The following PCSK5 variants were observed in gnomAD, a reference collection of about 807,000 sequenced individuals.
The protein encoded by PCSK5 is prohormone convertase 5.
A neutral mutation model predicts 233.2 loss-of-function variants in PCSK5; 129 were observed. The ratio of observed to expected loss-of-function variants is 0.55; its 90% CI spans 0.48 to 0.64. The LOEUF is 0.64. Among genes scored for constraint, PCSK5 ranks in the 30% least tolerant of loss-of-function variants. PCSK5 has a pLI of 0.00. For missense variants in PCSK5, 2,076 were observed against 2,430.1 expected (o/e 0.85, Z 3.06); for synonymous variants, 825 against 879.2 (o/e 0.94, Z 1.09).
At chr9:76,057,900 G>A (rs989001850) in intron 5 of PCSK5, among the ~76,000 whole-genome samples, 16 of 129,362 alleles carry the variant, frequency 1.2e-4, no homozygotes, top group Admixed American at 7.6e-4. Context: ...GCAGTAGCAC[G>A]AACACAGCTC....
chr9:76,144,510 A>T (rs1823363349), intron 10 of PCSK5, among the ~76,000 whole-genome samples: 2 of 152,190 alleles, frequency 1.3e-5, no homozygotes, highest in South Asian at 4.1e-4. Flanking sequence ...AAGGGAGCCA[A>T]ACTAAAGGGT....
intron 2 of PCSK5, among the ~76,000 whole-genome samples, chr9:75,933,633 T>C (rs914133557): frequency 6.6e-5 from 10 of 152,240 alleles, no homozygotes; most frequent in Admixed American, 2.0e-4. Context: ...ATGTTCATGA[T>C]TATGAAATTG....
At chr9:76,031,157 C>T (rs1003622034) in intron 5 of PCSK5, among the ~76,000 whole-genome samples, 7 of 152,020 alleles carry the variant, frequency 4.6e-5, no homozygotes, top group African/African-American at 1.2e-4. Context: ...ATTAAAATGC[C>T]CTCTTTGCTC....
At chr9:76,341,444 C>T (rs1486070494) in intron 35 of PCSK5, among the ~76,000 whole-genome samples, 3 of 151,926 alleles carry the variant, frequency 2.0e-5, no homozygotes, top group African/African-American at 7.3e-5. Context: ...TCATGTTTGT[C>T]ATCCTTTTTT....
At chr9:75,930,313 A>G (rs1231762015) in intron 1 of PCSK5, among the ~76,000 whole-genome samples, 2 of 152,118 alleles carry the variant, frequency 1.3e-5, no homozygotes, top group Non-Finnish European at 2.9e-5. Context: ...GCAGCCAAAC[A>G]ATATCAGCCA....
intron 9 of PCSK5, among the ~76,000 whole-genome samples, chr9:76,108,480 C>A (rs975182085): frequency 6.6e-6 from 1 of 152,134 alleles, no homozygotes; most frequent in African/African-American, 2.4e-5. Flanking sequence ...TGTGGCCGGG[C>A]GCGGTGGCTT....
intron 3 of PCSK5, among the ~76,000 whole-genome samples, chr9:76,006,927 G>A (rs1314327681): frequency 4.6e-5 from 7 of 152,104 alleles, no homozygotes; most frequent in Admixed American, 4.6e-4. Flanking sequence ...GAAGTGTAAT[G>A]TTAAAGATTA....
chr9:76,178,993 TTA>T (rs139055652), intron 14 of PCSK5, among the ~76,000 whole-genome samples: 71 of 152,266 alleles, frequency 4.7e-4, no homozygotes, highest in Non-Finnish European at 8.5e-4. Flanking sequence ...TTTTTTAAAT[TTA>T]TATGTCATTT....
chr9:75,932,341 CT>C (rs757546069), intron 1 of PCSK5, 37 bp from the exon 2 acceptor site: 150 of 1,268,614 alleles, frequency 1.2e-4, no homozygotes, highest in Admixed American at 1.7e-4. Flanking sequence ...ACATTAATGT[CT>C]TTTTTTTGTT....
intron 32 of PCSK5, among the ~76,000 whole-genome samples, chr9:76,325,292 A>G (rs1310530869): frequency 6.6e-6 from 1 of 152,180 alleles, no homozygotes; most frequent in Non-Finnish European, 1.5e-5. Context: ...GTGTTGAATA[A>G]TGAAAGTAAT....
chr9:76,341,355 C>T (rs1829830027), intron 35 of PCSK5, among the ~76,000 whole-genome samples: 1 of 152,172 alleles, frequency 6.6e-6, no homozygotes, highest in Non-Finnish European at 1.5e-5. Flanking sequence ...GCATCTTAAA[C>T]ATACCAATTT....
chr9:76,158,438 G>T (rs190496607), intron 11 of PCSK5, among the ~76,000 whole-genome samples: 38 of 152,294 alleles, frequency 2.5e-4, no homozygotes, highest in Admixed American at 2.5e-3. Flanking sequence ...GCAGCCTAGT[G>T]TTCAAGGGGA....
chr9:75,920,868 C>T (rs1486396064), intron 1 of PCSK5, among the ~76,000 whole-genome samples: 1 of 151,856 alleles, frequency 6.6e-6, no homozygotes, highest in East Asian at 1.9e-4. Flanking sequence ...TCAAAATAGC[C>T]TCTGTTTACC....
chr9:76,029,938 C>T (rs1828585223), intron 5 of PCSK5, among the ~76,000 whole-genome samples: 2 of 152,136 alleles, frequency 1.3e-5, no homozygotes, highest in South Asian at 4.1e-4. Flanking sequence ...CAAAAGAAAA[C>T]ATTCTTATTG....
At chr9:76,278,391 T>C (rs965872344) in intron 24 of PCSK5, among the ~76,000 whole-genome samples, 7 of 151,662 alleles carry the variant, frequency 4.6e-5, no homozygotes, top group Admixed American at 2.0e-4. Flanking sequence ...GATGAGAAAA[T>C]AGGAGTGGGC....
chr9:75,935,457 T>C (rs1824014103), intron 2 of PCSK5, among the ~76,000 whole-genome samples: 1 of 152,226 alleles, frequency 6.6e-6, no homozygotes, highest in Admixed American at 6.5e-5. Context: ...CGCCTTCAAT[T>C]CTAAATAATT....
At chr9:76,012,293 T>C (rs1405500965) in intron 3 of PCSK5, among the ~76,000 whole-genome samples, 1 of 152,194 alleles carries the variant, frequency 6.6e-6, no homozygotes, top group Admixed American at 6.5e-5. Context: ...CACACATTAA[T>C]AACTAAATCG....
chr9:76,138,504 G>A (rs1241259522), intron 10 of PCSK5, among the ~76,000 whole-genome samples: 1 of 151,992 alleles, frequency 6.6e-6, no homozygotes, highest in African/African-American at 2.4e-5. Context: ...GCTCTTTCTT[G>A]TGATCTCCTC....
At chr9:75,961,122 C>A (rs1291806381) in intron 2 of PCSK5, among the ~76,000 whole-genome samples, 1 of 152,206 alleles carries the variant, frequency 6.6e-6, no homozygotes, top group South Asian at 2.1e-4. Context: ...GCTACTGTTG[C>A]TACTGAACTG....
Sources: gnomAD v4.1 joint callset for allele counts (sites outside exome capture counted in the v4.1 genomes callset) on GRCh38, gnomAD v4.1.1 for gene constraint, MANE v1.5 for transcripts, NCBI Gene and HGNC (gene_info 2026-07-23, HGNC 2026-07-21) for gene names.